The following GRIK4 variants were observed in gnomAD, a reference collection of about 807,000 sequenced individuals.
The protein encoded by GRIK4 is glutamate receptor ionotropic, kainate 4.
Under a neutral mutation model 104.9 loss-of-function variants are expected in GRIK4, and 40 were observed. The ratio of observed to expected loss-of-function variants is 0.38; its 90% CI spans 0.30 to 0.50. The LOEUF is 0.50. Ranked by LOEUF, GRIK4 falls within the 20% of genes least tolerant of loss-of-function variation. The probability of loss-of-function intolerance (pLI) is 0.93; values close to 1 mark genes in which losing one functional copy is unlikely to be tolerated. For synonymous variants in GRIK4, 485 were observed against 524.9 expected (o/e 0.92, Z 1.04); for missense variants, 1,047 against 1,308.1 (o/e 0.80, Z 3.08).
intron 13 of GRIK4, among the ~76,000 whole-genome samples, chr11:120,928,804 C>T (rs1459852343): frequency 7.9e-5 from 12 of 152,156 alleles, no homozygotes; most frequent in South Asian, 2.1e-4. Context: ...AGAAATAGCA[C>T]CAGGGAGCAC....
chr11:120,528,636 G>A (rs1383932866), intron 1 of GRIK4, among the ~76,000 whole-genome samples: 6 of 152,312 alleles, frequency 3.9e-5, no homozygotes, highest in Admixed American at 1.3e-4. Flanking sequence ...GTTCCACGTG[G>A]CTGGGGAGGC....
intron 20 of GRIK4, among the ~76,000 whole-genome samples, chr11:120,984,251 A>C (rs1325237137): frequency 6.6e-6 from 1 of 152,224 alleles, no homozygotes; most frequent in Non-Finnish European, 1.5e-5. Flanking sequence ...ATTGGACGAA[A>C]GAACATTAAA....
chr11:120,645,065 C>T (rs768849234), intron 1 of GRIK4, among the ~76,000 whole-genome samples: 3 of 151,904 alleles, frequency 2.0e-5, no homozygotes, highest in African/African-American at 4.8e-5. Flanking sequence ...TATGTGTGTA[C>T]GGTATGCCTT....
intron 1 of GRIK4, among the ~76,000 whole-genome samples, chr11:120,607,416 G>A (rs1948976494): frequency 1.3e-5 from 2 of 152,204 alleles, no homozygotes; most frequent in African/African-American, 4.8e-5. Flanking sequence ...GAGCCCAGGT[G>A]CTTGCAGCTT....
intron 5 of GRIK4, among the ~76,000 whole-genome samples, chr11:120,817,235 A>G (rs1952985839): frequency 6.6e-6 from 1 of 151,630 alleles, no homozygotes; most frequent in Non-Finnish European, 1.5e-5. Flanking sequence ...TTCAGTGGCT[A>G]TTTAATCTCA....
At chr11:120,550,729 A>G (rs973366353) in intron 1 of GRIK4, among the ~76,000 whole-genome samples, 1 of 151,948 alleles carries the variant, frequency 6.6e-6, no homozygotes, top group African/African-American at 2.4e-5. Flanking sequence ...GGAGAAGCAT[A>G]CAGACATGAG....
intron 13 of GRIK4, among the ~76,000 whole-genome samples, chr11:120,931,310 G>C (rs2134608079): frequency 6.6e-6 from 1 of 152,268 alleles, no homozygotes; most frequent in South Asian, 2.1e-4. Flanking sequence ...TAGGAGGTTT[G>C]GCAACACAAG....
chr11:120,728,773 C>G (rs1565318268), intron 3 of GRIK4, among the ~76,000 whole-genome samples: 2 of 152,092 alleles, frequency 1.3e-5, no homozygotes. Context: ...CAATTAAACT[C>G]TTTTAGTTAT....
At chr11:120,689,850 GCAGGAGAA>G (rs770619393) in intron 3 of GRIK4, among the ~76,000 whole-genome samples, 25 of 152,248 alleles carry the variant, frequency 1.6e-4, no homozygotes, top group Non-Finnish European at 2.6e-4. Flanking sequence ...CTCCTTGAAG[GCAGGAGAA>G]CACCCTTTCA....
At chr11:120,849,946 G>C (rs1953937238) in intron 8 of GRIK4, among the ~76,000 whole-genome samples, 1 of 152,192 alleles carries the variant, frequency 6.6e-6, no homozygotes, top group Admixed American at 6.5e-5. Flanking sequence ...TGGAGCACAA[G>C]GTCCCCCTGC....
chr11:120,832,737 C>A (rs763914841), intron 7 of GRIK4, among the ~76,000 whole-genome samples: 15 of 152,280 alleles, frequency 9.9e-5, no homozygotes, highest in Non-Finnish European at 1.9e-4. Context: ...ACACTGGAAA[C>A]CAGAACTCTG....
chr11:120,789,028 A>C (rs1952344162), intron 3 of GRIK4, among the ~76,000 whole-genome samples: 1 of 152,032 alleles, frequency 6.6e-6, no homozygotes, highest in South Asian at 2.1e-4. Context: ...ATTGCTTCTC[A>C]GTCTTTTTCC....
intron 3 of GRIK4, among the ~76,000 whole-genome samples, chr11:120,754,997 C>G (rs1173629333): frequency 2.0e-5 from 3 of 152,146 alleles, no homozygotes; most frequent in African/African-American, 7.2e-5. Flanking sequence ...TTCACAGTGT[C>G]CTTTGAAGGA....
intron 6 of GRIK4, among the ~76,000 whole-genome samples, chr11:120,831,632 A>G (rs1953429987): frequency 6.6e-6 from 1 of 152,130 alleles, no homozygotes; most frequent in Non-Finnish European, 1.5e-5. Context: ...AGGGGAGGTG[A>G]TGGACTCAGA....
intron 3 of GRIK4, among the ~76,000 whole-genome samples, chr11:120,782,415 A>T (rs182917174): frequency 6.6e-6 from 1 of 151,458 alleles, no homozygotes; most frequent in Non-Finnish European, 1.5e-5. Context: ...CCTCCTGAGT[A>T]GCTGGGACTA....
chr11:120,661,808 C>A (rs1027977460), intron 3 of GRIK4, among the ~76,000 whole-genome samples: 3 of 152,056 alleles, frequency 2.0e-5, no homozygotes, highest in African/African-American at 7.3e-5. Flanking sequence ...TCACCCTGCC[C>A]TCGACACACT....
intron 1 of GRIK4, among the ~76,000 whole-genome samples, chr11:120,643,625 T>A (rs1208185674): frequency 6.6e-6 from 1 of 152,260 alleles, no homozygotes; most frequent in East Asian, 1.9e-4. Flanking sequence ...CTGACAATAC[T>A]GTTTGCAACT....
At chr11:120,845,122 C>T (rs1295147456) in intron 8 of GRIK4, among the ~76,000 whole-genome samples, 1 of 152,172 alleles carries the variant, frequency 6.6e-6, no homozygotes. Flanking sequence ...GTGATCTAGT[C>T]CTGTCCTCTG....
At chr11:120,936,448 A>G (rs1241722545) in intron 13 of GRIK4, 1 of 225,148 alleles carries the variant, frequency 4.4e-6, no homozygotes, top group African/African-American at 2.3e-5. Flanking sequence ...CTCTTTCATA[A>G]CAGGTCTTTT....
Sources: gnomAD v4.1 joint callset for allele counts (sites outside exome capture counted in the v4.1 genomes callset) on GRCh38, gnomAD v4.1.1 for gene constraint, MANE v1.5 for transcripts, NCBI Gene and HGNC (gene_info 2026-07-23, HGNC 2026-07-21) for gene names.